Variants in ESRRG observed in about 807,000 individuals in gnomAD.
The protein encoded by ESRRG is estrogen related receptor gamma.
ESRRG carries 13 observed loss-of-function variants against 44.0 expected under a neutral mutation model. The observed-to-expected ratio is 0.30, with a 90% CI of 0.19 to 0.47. ESRRG has a LOEUF of 0.47. Among genes scored for constraint, ESRRG ranks in the 20% least tolerant of loss-of-function variants. The probability of loss-of-function intolerance (pLI) is 1.00; values close to 1 mark genes in which losing one functional copy is unlikely to be tolerated. For missense variants in ESRRG, 395 were observed against 580.6 expected (o/e 0.68, Z 3.29); for synonymous variants, 215 against 214.6 (o/e 1.00, Z -0.02).
At chr1:216,856,953 T>C (rs931287779) in intron 2 of ESRRG, among the ~76,000 whole-genome samples, 3 of 152,158 alleles carry the variant, frequency 2.0e-5, no homozygotes, top group Non-Finnish European at 4.4e-5. Context: ...GACACCTTAT[T>C]AAGGCCCACT....
intron 1 of ESRRG, among the ~76,000 whole-genome samples, chr1:217,123,321 T>C (rs1371114314): frequency 6.6e-6 from 1 of 152,182 alleles, no homozygotes; most frequent in African/African-American, 2.4e-5. Flanking sequence ...TTTACACACT[T>C]GTATTATGTC....
intron 3 of ESRRG, among the ~76,000 whole-genome samples, chr1:216,635,157 T>C (rs1054142794): frequency 1.3e-5 from 2 of 152,136 alleles, no homozygotes; most frequent in African/African-American, 4.8e-5. Context: ...ATGCTGCCAT[T>C]AATTTGATGT....
intron 5 of ESRRG, among the ~76,000 whole-genome samples, chr1:216,554,588 A>G (rs1012134698): frequency 2.6e-5 from 4 of 152,116 alleles, no homozygotes; most frequent in Admixed American, 2.0e-4. Flanking sequence ...CTGAGCTATG[A>G]TCATGCCACT....
chr1:216,606,853 G>T (rs2059996519), intron 3 of ESRRG, among the ~76,000 whole-genome samples: 1 of 152,144 alleles, frequency 6.6e-6, no homozygotes, highest in Non-Finnish European at 1.5e-5. Context: ...TCATATATTT[G>T]CTAGCAAAAA....
intron 2 of ESRRG, among the ~76,000 whole-genome samples, chr1:216,777,239 C>T (rs535039824): frequency 1.3e-5 from 2 of 152,232 alleles, no homozygotes; most frequent in East Asian, 3.9e-4. Context: ...TACAGATCTA[C>T]TCCTCCAGCA....
chr1:216,629,143 C>T (rs760560440), intron 3 of ESRRG, among the ~76,000 whole-genome samples: 2 of 152,190 alleles, frequency 1.3e-5, no homozygotes, highest in Non-Finnish European at 2.9e-5. Context: ...CTTCAAACTC[C>T]TGTTCACCTA....
intron 2 of ESRRG, among the ~76,000 whole-genome samples, chr1:216,834,257 C>T (rs1242401946): frequency 7.2e-5 from 11 of 151,936 alleles, no homozygotes; most frequent in Admixed American, 7.2e-4. Flanking sequence ...AAACATTAGC[C>T]AAATACAGTG....
chr1:216,699,625 C>G (rs926471519), intron 1 of ESRRG, among the ~76,000 whole-genome samples: 1 of 151,958 alleles, frequency 6.6e-6, no homozygotes, highest in South Asian at 2.1e-4. Context: ...AGTCATTGTT[C>G]CTTAACTAAT....
rs182523683 is a variant in ESRRG, at chr1:216,790,985, A to T, written c.-13-113494T>A. On this transcript the variant is annotated intron_variant, in intron 2 of 7. Coordinates refer to the ESRRG transcript ENST00000359162. ...TCTCCAAGATTTTTGTGATAGGGGA[A>T]AATGAAATGCTTATTTCAACATTAA... Among the ~76,000 whole-genome samples, 3 of 152,286 alleles carry T rather than the reference A, an allele frequency of 2.0e-5. No homozygotes were observed. The East Asian group carries it at 5.8e-4, about 29-fold the overall frequency.
chr1:216,582,092 G>A (rs2062886456), intron 3 of ESRRG, among the ~76,000 whole-genome samples: 1 of 152,168 alleles, frequency 6.6e-6, no homozygotes, highest in African/African-American at 2.4e-5. Context: ...TATTTAAGTT[G>A]TTCTATAGGC....
chr1:216,649,415 C>T (rs1038135032), intron 3 of ESRRG, among the ~76,000 whole-genome samples: 4 of 152,026 alleles, frequency 2.6e-5, no homozygotes, highest in African/African-American at 7.2e-5. Context: ...CTTCCTTCCA[C>T]TTCTCCATGT....
At chr1:217,096,422 A>C (rs1368111801) in intron 1 of ESRRG, among the ~76,000 whole-genome samples, 1 of 152,202 alleles carries the variant, frequency 6.6e-6, no homozygotes, top group Non-Finnish European at 1.5e-5. Flanking sequence ...AAAGAACACT[A>C]AACTTAGAAC....
chr1:217,043,561 T>C (rs1448734848), intron 1 of ESRRG, among the ~76,000 whole-genome samples: 1 of 152,224 alleles, frequency 6.6e-6, no homozygotes, highest in Non-Finnish European at 1.5e-5. Flanking sequence ...GCCATCATCT[T>C]AACCAGAATT....
chr1:216,529,605 T>C (rs2048695015), intron 5 of ESRRG, among the ~76,000 whole-genome samples: 1 of 152,166 alleles, frequency 6.6e-6, no homozygotes, highest in Non-Finnish European at 1.5e-5. Context: ...TGGTTAACTT[T>C]TTTCAAACAA....
At chr1:216,862,987 T>A (rs2096077547) in intron 2 of ESRRG, 1 of 152,122 alleles carries the variant, frequency 6.6e-6, no homozygotes, top group African/African-American at 2.4e-5. Flanking sequence ...TGAAAGAAAA[T>A]ATATGTACAA....
chr1:216,732,556 T>G (rs1471766121), intron 2 of ESRRG, among the ~76,000 whole-genome samples: 1 of 152,006 alleles, frequency 6.6e-6, no homozygotes. Flanking sequence ...TTTGTATTTA[T>G]AGTAGAGACG....
intron 2 of ESRRG, among the ~76,000 whole-genome samples, chr1:216,829,349 C>T (rs4575149): frequency 0.72 from 110,111 of 151,884 alleles, 40,141 homozygotes; most frequent in Non-Finnish European, 0.75. Flanking sequence ...CACTGGTTAC[C>T]GACCAGATAC....
chr1:216,977,867 T>A (rs946169550), intron 1 of ESRRG, among the ~76,000 whole-genome samples: 7 of 152,066 alleles, frequency 4.6e-5, no homozygotes, highest in Non-Finnish European at 1.5e-5. Flanking sequence ...AGGAGTGGGT[T>A]CATAATCTCA....
In ESRRG at chr1:217,123,254, T is replaced by C. The variant is rs11808409; in HGVS notation, c.-230+14413A>G. Among the ~76,000 whole-genome samples, 394 of 152,002 alleles carry C rather than the reference T, an allele frequency of 2.6e-3. 1 individual carries two copies. Among genetic ancestry groups the C allele is most frequent in the African/African-American group, 9.1e-3 (378 of 41,472 alleles). ...CTAACAGTATATCATGCCTAAGGGG[T>C]CCTACATAATGTTAGCACTCATCTT... On this transcript the variant is annotated intron_variant, in intron 1 of 8. Transcript: ENST00000366940.
Sources: allele counts gnomAD v4.1 joint callset (sites outside exome capture counted in the v4.1 genomes callset), GRCh38; gene constraint gnomAD v4.1.1; transcripts MANE v1.5; gene names NCBI Gene and HGNC (gene_info 2026-07-23, HGNC 2026-07-21).